The following ABHD12 variants were observed in gnomAD, a reference collection of about 807,000 sequenced individuals.
ABHD12 encodes the protein abhydrolase domain containing 12, lysophospholipase, also known as lysophosphatidylserine lipase ABHD12.
ABHD12 carries 43 observed loss-of-function variants against 58.3 expected under a neutral mutation model. That is an observed-to-expected ratio of 0.74 (90% confidence interval 0.58 to 0.95). The LOEUF is 0.95. Among genes scored for constraint, ABHD12 ranks in the 40% least tolerant of loss-of-function variants. ABHD12 has a pLI of 0.00. For synonymous variants in ABHD12, 219 were observed against 211.2 expected, an observed-to-expected ratio of 1.04 and a Z score of -0.32; for missense variants, 539 against 537.2, an observed-to-expected ratio of 1.00 and a Z score of -0.03.
At chr20:25,359,858 A>T (rs1427447935) in intron 1 of ABHD12, among the ~76,000 whole-genome samples, 6 of 152,212 alleles carry the variant, frequency 3.9e-5, no homozygotes, top group Non-Finnish European at 7.3e-5. Context: ...GGCGTGAGCC[A>T]CTGTGCCTGG....
At chr20:25,330,656 C>T (rs1296510593) in intron 2 of ABHD12, among the ~76,000 whole-genome samples, 1 of 152,192 alleles carries the variant, frequency 6.6e-6, no homozygotes, top group South Asian at 2.1e-4. Flanking sequence ...GTCCCTGACC[C>T]CTGACCCCCG....
intron 9 of ABHD12, 23 bp downstream of exon 9, chr20:25,307,943 T>C (rs2088775565): frequency 1.4e-6 from 2 of 1,385,884 alleles, no homozygotes; most frequent in Non-Finnish European, 2.0e-6. Context: ...GAAAAGTTAA[T>C]TTTTAATAAA....
chr20:25,381,035 C>T (rs549605792), intron 1 of ABHD12, among the ~76,000 whole-genome samples: 23 of 152,322 alleles, frequency 1.5e-4, no homozygotes, highest in Admixed American at 3.9e-4. Context: ...GCTGCTGTCC[C>T]GGCCTGAGCC....
chr20:25,321,248 A>G (rs1176903720), intron 3 of ABHD12, among the ~76,000 whole-genome samples: 1 of 152,280 alleles, frequency 6.6e-6, no homozygotes, highest in African/African-American at 2.4e-5. Flanking sequence ...TGCTTCCAGT[A>G]GCCAGCCGCC....
downstream of ABHD12, chr20:25,295,587 C>T (rs2088528841): frequency 1.2e-6 from 2 of 1,612,682 alleles, no homozygotes; most frequent in Non-Finnish European, 1.7e-6. Context: ...GGCCCAGCCT[C>T]CTTTCTCCCA....
chr20:25,316,174 T>C (rs2088958703), intron 5 of ABHD12, among the ~76,000 whole-genome samples: 5 of 152,152 alleles, frequency 3.3e-5, no homozygotes, highest in Non-Finnish European at 7.4e-5. Context: ...TTTTTTTGTT[T>C]TTTGAGACGG....
chr20:25,341,803 A>T (rs2089458047), intron 1 of ABHD12, among the ~76,000 whole-genome samples: 1 of 152,150 alleles, frequency 6.6e-6, no homozygotes, highest in African/African-American at 2.4e-5. Flanking sequence ...TCAGGACGTT[A>T]TCCTGAGAGA....
At chr20:25,330,331 T>C (rs184868383) in intron 2 of ABHD12, among the ~76,000 whole-genome samples, 1 of 152,366 alleles carries the variant, frequency 6.6e-6, no homozygotes, top group African/African-American at 2.4e-5. Flanking sequence ...GGAGTCTCGC[T>C]GATTGCTAGC....
At position 25,308,381 on chromosome 20, in the gene ABHD12, G is replaced by A. The variant is rs1001516287; in HGVS notation, c.787+76C>T. On this transcript the variant is annotated intron_variant, in intron 8 of 12. Coordinates refer to ENST00000339157, the MANE Select transcript of ABHD12 (RefSeq NM_001042472.3). ...TCATGCTGCTCCATGAGGACGCTGA[G>A]CACTTGCAGCAGGGCCGGGACTGGG... The A allele has an allele frequency of 4.5e-6, 7 of 1,549,192 alleles. No individual in the cohort carries two copies. In the African/African-American group the frequency reaches 5.4e-5, roughly 12 times the overall value.
chr20:25,303,481 G>A (rs759926793), intron 11 of ABHD12, 69 bp downstream of exon 11: 1 of 1,593,628 alleles, frequency 6.3e-7, no homozygotes, highest in East Asian at 2.3e-5. Flanking sequence ...CCCACTCCCA[G>A]CCTGGTCCAC....
At chr20:25,295,656 G>T (rs759908221), downstream of ABHD12, 1 of 1,613,962 alleles carries the variant, frequency 6.2e-7, no homozygotes, top group Non-Finnish European at 8.5e-7. Context: ...GGCACAGGTG[G>T]ACCAGCTGTA....
intron 6 of ABHD12, among the ~76,000 whole-genome samples, chr20:25,312,470 T>C (rs570261578): frequency 0.089 from 3,173 of 35,734 alleles, 103 homozygotes; most frequent in African/African-American, 0.27. Flanking sequence ...CGGAGTCTCG[T>C]TCACTCAGTG....
At chr20:25,355,924 T>G (rs548117650) in intron 1 of ABHD12, among the ~76,000 whole-genome samples, 1 of 152,350 alleles carries the variant, frequency 6.6e-6, no homozygotes, top group South Asian at 2.1e-4. Flanking sequence ...TCATTTATAT[T>G]TCAGGAGGCT....
At chr20:25,386,370 T>G (rs1468849993) in intron 1 of ABHD12, among the ~76,000 whole-genome samples, 1 of 150,104 alleles carries the variant, frequency 6.7e-6, no homozygotes. Context: ...GCCATTCTCC[T>G]ACCTCAGCCT....
exon 13 of ABHD12, chr20:25,294,967 C>T (rs777503986): frequency 1.2e-6 from 2 of 1,614,152 alleles, no homozygotes; most frequent in Admixed American, 1.7e-5. Flanking sequence ...CACCTGTTGG[C>T]TTCAGTCACA....
intron 1 of ABHD12, among the ~76,000 whole-genome samples, chr20:25,364,498 T>G (rs2089793235): frequency 6.6e-6 from 1 of 151,842 alleles, no homozygotes; most frequent in Non-Finnish European, 1.5e-5. Flanking sequence ...GAACTCAGAG[T>G]CAGAACTCAC....
At chr20:25,303,471 C>T in intron 11 of ABHD12, 79 bp downstream of exon 11, 1 of 1,582,896 alleles carries the variant, frequency 6.3e-7, no homozygotes, top group Non-Finnish European at 8.6e-7. Context: ...TTCCCGCCTG[C>T]CCACTCCCAG....
At chr20:25,307,160 T>C (rs2088759532) in intron 9 of ABHD12, among the ~76,000 whole-genome samples, 1 of 152,206 alleles carries the variant, frequency 6.6e-6, no homozygotes, top group Non-Finnish European at 1.5e-5. Context: ...CAGACTGGCA[T>C]GGCAGGGGCT....
intron 1 of ABHD12, among the ~76,000 whole-genome samples, chr20:25,359,877 T>C (rs1394559968): frequency 3.3e-5 from 5 of 152,222 alleles, no homozygotes; most frequent in African/African-American, 9.6e-5. Context: ...GGCCAAGAAC[T>C]TTTTATATTA....
Sources: allele counts gnomAD v4.1 joint callset (sites outside exome capture counted in the v4.1 genomes callset), GRCh38; gene constraint gnomAD v4.1.1; transcripts MANE v1.5; gene names NCBI Gene and HGNC (gene_info 2026-07-23, HGNC 2026-07-21).